Variants in NECAB2 observed in about 807,000 individuals in gnomAD.
NECAB2 encodes N-terminal EF-hand calcium binding protein 2.
NECAB2 carries 68 observed loss-of-function variants against 51.9 expected under a neutral mutation model. That is an observed-to-expected ratio of 1.31 (90% confidence interval 1.08 to 1.60). The LOEUF (loss-of-function observed/expected upper bound fraction) is 1.60, where lower values mean the gene tolerates loss of function less well. Among genes scored for constraint, NECAB2 ranks in the 40% most tolerant of loss-of-function variants. The probability of loss-of-function intolerance (pLI) is 0.00; values close to 1 mark genes in which losing one functional copy is unlikely to be tolerated. For missense variants in NECAB2, 854 were observed against 490.3 expected (o/e 1.74, Z -7.00); for synonymous variants, 329 against 203.5 (o/e 1.62, Z -5.25).
At chr16:83,999,953 C>T (rs1251514709) in intron 10 of NECAB2, among the ~76,000 whole-genome samples, 1 of 152,192 alleles carries the variant, frequency 6.6e-6, no homozygotes, top group Admixed American at 6.5e-5. Flanking sequence ...GTAGTGGAAG[C>T]TCAGCTCACT....
At chr16:83,979,077 ACT>A (rs1362795554) in intron 3 of NECAB2, among the ~76,000 whole-genome samples, 7 of 151,978 alleles carry the variant, frequency 4.6e-5, no homozygotes, top group African/African-American at 1.4e-4. Context: ...TCAGCCAAAA[ACT>A]CTGTCTCCAC....
intron 5 of NECAB2, among the ~76,000 whole-genome samples, chr16:83,990,083 T>A (rs2084602987): frequency 6.6e-6 from 1 of 152,206 alleles, no homozygotes. Context: ...ACAACAAAAC[T>A]ACCAGTCACT....
intron 1 of NECAB2, among the ~76,000 whole-genome samples, chr16:83,970,335 G>T (rs1050698210): frequency 6.6e-6 from 1 of 152,152 alleles, no homozygotes; most frequent in East Asian, 1.9e-4. Flanking sequence ...CTGGCCTCAA[G>T]GGGGATCTGG....
chr16:83,994,469 G>GGAGTTCTGA (rs2084669123), intron 7 of NECAB2, 49 bp downstream of exon 7: 2 of 1,602,670 alleles, frequency 1.2e-6, no homozygotes, highest in Non-Finnish European at 1.7e-6. Context: ...GGGGTCCCGA[G>GGAGTTCTGA]GAGTTCTGAG....
At chr16:83,965,400 C>T (rs373163607), upstream of NECAB2, 5 of 1,576,076 alleles carry the variant, frequency 3.2e-6, no homozygotes, top group African/African-American at 6.7e-5. Context: ...GAGGCCGCCA[C>T]AAGGGTGGGT....
At position 83,994,437 on chromosome 16, in the gene NECAB2, G is replaced by A. The variant is rs550301254; in HGVS notation, c.715+17G>A. ...TTCCATCTGGTGAGAGAAAGCGGGG[G>A]CCCTGGTGGGGGTACCAGCTGGGGG... On this transcript the variant is annotated intron_variant, in intron 7 of 12. Coordinates refer to ENST00000305202, the MANE Select transcript of NECAB2 (RefSeq NM_019065.3). 498 of 1,612,788 alleles carry A rather than the reference G, an allele frequency of 3.1e-4. 8 individuals carry two copies. The South Asian group carries it at 5.2e-3, about 17-fold the overall frequency.
At chr16:83,977,768 A>T (rs1217133157) in intron 2 of NECAB2, among the ~76,000 whole-genome samples, 1 of 152,182 alleles carries the variant, frequency 6.6e-6, no homozygotes, top group African/African-American at 2.4e-5. Context: ...CAGCCATCTC[A>T]TGCTGCCTCA....
At chr16:83,965,333 C>A (rs199961054), upstream of NECAB2, 4 of 1,573,942 alleles carry the variant, frequency 2.5e-6, no homozygotes, top group Middle Eastern at 1.7e-4. Context: ...CAGCCCGGCC[C>A]GGCTGGGCAT....
upstream of NECAB2, chr16:83,965,687 G>C: frequency 1.9e-6 from 3 of 1,613,632 alleles, no homozygotes; most frequent in Non-Finnish European, 1.7e-6. Flanking sequence ...CTTCAAGGAA[G>C]ACTGCCAGGC....
chr16:83,997,419 C>T (rs369688150), intron 9 of NECAB2, 150 bp downstream of exon 9: 7 of 964,438 alleles, frequency 7.3e-6, no homozygotes, highest in South Asian at 4.5e-5. Context: ...CACCCAGACC[C>T]TGCCCTGGCA....
At chr16:83,986,012 C>G (rs1361456562) in intron 5 of NECAB2, among the ~76,000 whole-genome samples, 1 of 152,030 alleles carries the variant, frequency 6.6e-6, no homozygotes, top group East Asian at 1.9e-4. Context: ...AATATTTTTT[C>G]TTGTTTCTTT....
At chr16:83,987,411 C>G (rs2084569985) in intron 5 of NECAB2, among the ~76,000 whole-genome samples, 1 of 152,148 alleles carries the variant, frequency 6.6e-6, no homozygotes, top group Admixed American at 6.5e-5. Context: ...CGCATATAGA[C>G]TTTTGTTACA....
chr16:83,983,627 A>G (rs2084515927), intron 5 of NECAB2, among the ~76,000 whole-genome samples: 1 of 152,060 alleles, frequency 6.6e-6, no homozygotes. Flanking sequence ...GGTGGATGCT[A>G]TTTTTAGATT....
At chr16:83,965,573 T>C, upstream of NECAB2, 1 of 1,612,980 alleles carries the variant, frequency 6.2e-7, no homozygotes, top group Non-Finnish European at 8.5e-7. Flanking sequence ...CAAGATGCTG[T>C]ACCCCGAGTA....
rs551354853 is a variant in NECAB2 at position 83,990,836 on chromosome 16, A to G, written c.596+206A>G. Among the ~76,000 whole-genome samples the G allele has an allele frequency of 2.6e-5, 4 of 152,236 alleles. No homozygotes were observed. In the South Asian group the frequency reaches 8.3e-4, roughly 32 times the overall value. ...TCTCAGCCATTGCAAGGATTGAATG[A>G]GATAGTAAATGCTCAGGAGAATGCC... is the stretch of plus-strand genomic sequence containing the variant. On this transcript the variant is annotated intron_variant, in intron 6 of 12. Transcript: ENST00000305202.
intron 1 of NECAB2, among the ~76,000 whole-genome samples, chr16:83,969,203 C>T (rs868796152): frequency 2.0e-5 from 3 of 151,990 alleles, no homozygotes; most frequent in Non-Finnish European, 4.4e-5. Context: ...GACCGGAGCC[C>T]CTCGCCGCGT....
chr16:84,002,461 A>C lies in NECAB2; in HGVS notation c.*115A>C. On this transcript the variant is annotated 3_prime_UTR_variant, in exon 13 of 13. Transcript: ENST00000305202. ...GAAGCTTCTTTTCAATCCATCCTCC[A>C]CAAGAAGGTGTTTCCCTGTTGTTAA... 7.3e-7 allele frequency: 1 copy of C among 1,370,538 alleles called. No individual in the cohort carries two copies. The highest frequency in any genetic ancestry group is 1.2e-5 in the South Asian group (1 of 85,930). 84.9% of individuals were successfully genotyped at this position (1,370,538 alleles called of 1,614,324 possible).
At chr16:83,969,983 G>A (rs1247732903) in intron 1 of NECAB2, among the ~76,000 whole-genome samples, 2 of 152,146 alleles carry the variant, frequency 1.3e-5, no homozygotes, top group Non-Finnish European at 2.9e-5. Flanking sequence ...ACACTCGCAG[G>A]CACACATTCA....
chr16:83,985,869 A>G (rs1422062812), intron 5 of NECAB2, among the ~76,000 whole-genome samples: 1 of 152,112 alleles, frequency 6.6e-6, no homozygotes, highest in Non-Finnish European at 1.5e-5. Flanking sequence ...GCTTAAGACG[A>G]TGTGGATTGT....
Sources: allele counts gnomAD v4.1 joint callset (sites outside exome capture counted in the v4.1 genomes callset), GRCh38; gene constraint gnomAD v4.1.1; transcripts MANE v1.5; gene names NCBI Gene and HGNC (gene_info 2026-07-23, HGNC 2026-07-21).